KCNH1: variants seen among roughly 807,000 people sequenced by gnomAD.
KCNH1 encodes potassium voltage-gated channel subfamily H member 1, also known as voltage-gated delayed rectifier potassium channel KCNH1.
KCNH1 carries 27 observed loss-of-function variants against 69.2 expected under a neutral mutation model. The ratio of observed to expected loss-of-function variants is 0.39; its 90% confidence interval spans 0.29 to 0.54. The LOEUF (loss-of-function observed/expected upper bound fraction) is 0.54. Ranked by LOEUF, KCNH1 falls within the 20% of genes least tolerant of loss-of-function variation. The pLI, the probability that KCNH1 is intolerant of heterozygous loss-of-function variation, is 0.68. For missense variants in KCNH1, 798 were observed against 1,261.6 expected (o/e 0.63, Z 5.57); for synonymous variants, 456 against 487.7 (o/e 0.93, Z 0.86).
intron 10 of KCNH1, among the ~76,000 whole-genome samples, chr1:210,733,241 CTCAA>C (rs1682788400): frequency 6.6e-6 from 1 of 152,018 alleles, no homozygotes; most frequent in Non-Finnish European, 1.5e-5. Flanking sequence ...CTGAATGGAA[CTCAA>C]TCAAATGAGC....
intron 6 of KCNH1, among the ~76,000 whole-genome samples, chr1:210,981,757 C>T (rs1218757537): frequency 1.3e-5 from 2 of 152,104 alleles, no homozygotes; most frequent in Non-Finnish European, 2.9e-5. Context: ...TTTTTTTCTA[C>T]ACCAGAATTG....
intron 7 of KCNH1, among the ~76,000 whole-genome samples, chr1:210,821,643 G>C (rs1684931184): frequency 6.6e-6 from 1 of 151,902 alleles, no homozygotes; most frequent in South Asian, 2.1e-4. Flanking sequence ...GTGGAGAAGT[G>C]GGGTGGATTT....
chr1:210,798,124 C>T (rs1030558422), intron 8 of KCNH1, among the ~76,000 whole-genome samples: 2 of 150,756 alleles, frequency 1.3e-5, no homozygotes, highest in African/African-American at 4.9e-5. Flanking sequence ...ACTGCAAGCT[C>T]CGCCTCCCAG....
chr1:210,889,400 T>C (rs76793243), intron 7 of KCNH1, among the ~76,000 whole-genome samples: 1 of 152,224 alleles, frequency 6.6e-6, no homozygotes, highest in Non-Finnish European at 1.5e-5. Context: ...TGACGGAACG[T>C]ATCTCAAAAT....
At chr1:210,845,516 C>T (rs1026759697) in intron 7 of KCNH1, among the ~76,000 whole-genome samples, 1 of 152,134 alleles carries the variant, frequency 6.6e-6, no homozygotes, top group Non-Finnish European at 1.5e-5. Context: ...AGGCCTTTGA[C>T]AAAATTCAAC....
chr1:210,920,833 C>G (rs934171636), intron 6 of KCNH1, among the ~76,000 whole-genome samples: 1 of 152,218 alleles, frequency 6.6e-6, no homozygotes, highest in South Asian at 2.1e-4. Flanking sequence ...TCAGACACCA[C>G]CTACTTAAAT....
At chr1:211,001,155 T>G (rs1689170586) in intron 6 of KCNH1, among the ~76,000 whole-genome samples, 1 of 151,898 alleles carries the variant, frequency 6.6e-6, no homozygotes, top group African/African-American at 2.4e-5. Context: ...AAGACAAAAT[T>G]GACAAATGGG....
intron 7 of KCNH1, among the ~76,000 whole-genome samples, chr1:210,889,399 G>A (rs77678130): frequency 6.6e-6 from 1 of 152,102 alleles, no homozygotes; most frequent in Non-Finnish European, 1.5e-5. Flanking sequence ...TTGACGGAAC[G>A]TATCTCAAAA....
intron 6 of KCNH1, among the ~76,000 whole-genome samples, chr1:210,973,341 G>T (rs756124690): frequency 6.6e-6 from 1 of 151,836 alleles, no homozygotes; most frequent in Non-Finnish European, 1.5e-5. Context: ...ACTATCTTTC[G>T]GTTAATGGAG....
intron 7 of KCNH1, chr1:210,860,691 T>A: frequency 1.3e-6 from 1 of 774,338 alleles, no homozygotes. Flanking sequence ...ATTCTTTAGA[T>A]TTTTCTTGAT....
chr1:210,960,284 T>C (rs1316740832), intron 6 of KCNH1, among the ~76,000 whole-genome samples: 1 of 152,186 alleles, frequency 6.6e-6, no homozygotes, highest in Non-Finnish European at 1.5e-5. Context: ...TAGGTTTCCA[T>C]TTCTCTTGCT....
At chr1:210,814,171 G>A (rs1007450967) in intron 7 of KCNH1, among the ~76,000 whole-genome samples, 24 of 152,116 alleles carry the variant, frequency 1.6e-4, no homozygotes, top group Admixed American at 4.6e-4. Flanking sequence ...GGAGGAGGAC[G>A]CACAGGAGAA....
At chr1:210,755,109 C>G (rs1683369794) in intron 10 of KCNH1, among the ~76,000 whole-genome samples, 1 of 150,474 alleles carries the variant, frequency 6.6e-6, no homozygotes, top group South Asian at 2.1e-4. Context: ...CCTGTGCATG[C>G]AAAGCAGTCA....
At chr1:211,031,063 G>T (rs1263634876) in intron 5 of KCNH1, among the ~76,000 whole-genome samples, 3 of 151,694 alleles carry the variant, frequency 2.0e-5, no homozygotes, top group Non-Finnish European at 2.9e-5. Flanking sequence ...TATTAAAATG[G>T]CTAAAATTTT....
intron 1 of KCNH1, among the ~76,000 whole-genome samples, chr1:211,115,575 G>A (rs1368759206): frequency 6.6e-6 from 1 of 151,670 alleles, no homozygotes; most frequent in Non-Finnish European, 1.5e-5. Flanking sequence ...GATGCTTCCT[G>A]CCCTCAAACA....
At chr1:210,718,837 A>G (rs985237297) in intron 10 of KCNH1, among the ~76,000 whole-genome samples, 3 of 151,968 alleles carry the variant, frequency 2.0e-5, no homozygotes, top group Non-Finnish European at 2.9e-5. Flanking sequence ...CCCAGAGCCA[A>G]TGAAGTGTGA....
chr1:210,900,904 C>T (rs1463569414), intron 7 of KCNH1, among the ~76,000 whole-genome samples: 1 of 152,182 alleles, frequency 6.6e-6, no homozygotes, highest in Non-Finnish European at 1.5e-5. Context: ...TAGTCACACA[C>T]AGCTCACATT....
chr1:210,797,687 TGCTCCTTGAACACCTTGCG>T lies in KCNH1; in HGVS notation c.1717_1735del (p.Arg573ThrfsTer50). ...ATCACTGGCCAGCCGGAAGGCCGGG[TGCTCCTTGAACACCTTGCG>T]GTTCAGGTGCACGCAGATGTCGGCT... On this transcript the variant is annotated frameshift_variant, in exon 9 of 11. Transcript: ENST00000271751. LOFTEE classifies it high-confidence loss of function. The T allele has an allele frequency of 6.2e-7, 1 of 1,614,182 alleles. No homozygotes were observed. The highest frequency in any genetic ancestry group is 1.1e-5 in the South Asian group (1 of 91,082).
intron 5 of KCNH1, among the ~76,000 whole-genome samples, chr1:211,052,999 T>C (rs1419881123): frequency 1.3e-5 from 2 of 152,262 alleles, no homozygotes; most frequent in Admixed American, 6.5e-5. Flanking sequence ...ACCAAATCTT[T>C]GTGTAGTTCA....
Sources: gnomAD v4.1 joint callset for allele counts (sites outside exome capture counted in the v4.1 genomes callset) on GRCh38, gnomAD v4.1.1 for gene constraint, MANE v1.5 for transcripts, NCBI Gene and HGNC (gene_info 2026-07-23, HGNC 2026-07-21) for gene names.